The following GRB2 variants were observed in gnomAD, a reference collection of about 807,000 sequenced individuals.
The protein encoded by GRB2 is growth factor receptor bound protein 2, also known as growth factor receptor-bound protein 2.
GRB2 carries 2 observed loss-of-function variants against 27.4 expected under a neutral mutation model. That is an observed-to-expected ratio of 0.07 (90% CI 0.03 to 0.23). The LOEUF is 0.23. Ranked by LOEUF, GRB2 falls within the 10% of genes least tolerant of loss-of-function variation. The pLI, the probability that GRB2 is intolerant of heterozygous loss-of-function variation, is 1.00. For missense variants in GRB2, 102 were observed against 282.4 expected (o/e 0.36, Z 4.58); for synonymous variants, 94 against 99.6 (o/e 0.94, Z 0.33).
At chr17:75,400,550 C>T (rs946938996) in intron 1 of GRB2, among the ~76,000 whole-genome samples, 4 of 151,794 alleles carry the variant, frequency 2.6e-5, no homozygotes, top group Admixed American at 1.3e-4. Flanking sequence ...TCTCATCTCA[C>T]TGTAACCTCC....
intron 3 of GRB2, among the ~76,000 whole-genome samples, chr17:75,330,654 A>G (rs1037079688): frequency 6.6e-6 from 1 of 152,062 alleles, no homozygotes; most frequent in Non-Finnish European, 1.5e-5. Context: ...AGCCTGGGCA[A>G]CAGAGCAGGA....
At chr17:75,365,265 C>T (rs143672149) in intron 2 of GRB2, among the ~76,000 whole-genome samples, 9 of 152,188 alleles carry the variant, frequency 5.9e-5, no homozygotes, top group East Asian at 5.8e-4. Flanking sequence ...GCTCATCTTA[C>T]GCTAGATCTC....
chr17:75,403,095 A>G (rs1327842712), intron 1 of GRB2, among the ~76,000 whole-genome samples: 1 of 143,804 alleles, frequency 7.0e-6, no homozygotes, highest in African/African-American at 2.5e-5. Context: ...AAAAAAGGAA[A>G]AAGAAAATAA....
chr17:75,384,824 G>A lies in GRB2; in HGVS notation c.78+8727C>T, dbSNP rs927680092. 3.3e-5 allele frequency among the ~76,000 whole-genome samples: 5 copies of A among 151,852 alleles called. No individual in the cohort carries two copies. The East Asian group carries it at 9.7e-4, about 29-fold the overall frequency. ...CATTCAGAAAGAGATCTATGTATAT[G>A]ATAAAAAAAGAGGAAAAGACAGCAA... On this transcript the variant is annotated intron_variant, in intron 2 of 5. Transcript: ENST00000316804.
At chr17:75,390,497 G>C (rs898511063) in intron 2 of GRB2, among the ~76,000 whole-genome samples, 4 of 152,246 alleles carry the variant, frequency 2.6e-5, no homozygotes, top group Admixed American at 6.5e-5. Context: ...TGCAGTGGAA[G>C]GGCAATTCCT....
rs759793650 is a variant in GRB2 at position 75,321,793 on chromosome 17, G to A, written c.334C>T (p.Arg112Ter). Residue 112 changes from arginine (R) to a stop codon, truncating the protein, a stop_gained, in exon 5 of 6, where the codon CGA becomes TGA. Coordinates refer to ENST00000316804, the MANE Select transcript of GRB2 (RefSeq NM_002086.5). LOFTEE classifies it high-confidence loss of function. ...AGGAAGTACTTCCCGGCTCCATCTC[G>A]GAGCACCTTGAAGTGCTGCACATCG... Reference protein sequence around the residue: ...GNDVQHFKVLRDGAGKYFLWV... With the variant: ...GNDVQHFKVL 1 of 1,613,972 alleles carries A rather than the reference G, an allele frequency of 6.2e-7. No individual in the cohort carries two copies. The highest frequency in any genetic ancestry group is 8.5e-7 in the Non-Finnish European group (1 of 1,180,002).
chr17:75,322,800 C>G (rs943356892), intron 4 of GRB2, among the ~76,000 whole-genome samples: 18 of 138,800 alleles, frequency 1.3e-4, no homozygotes, highest in African/African-American at 4.1e-4. Flanking sequence ...GCGCTTCTGC[C>G]TGTCCTGTTC....
chr17:75,338,072 G>C (rs1480926052), intron 2 of GRB2, among the ~76,000 whole-genome samples: 1 of 151,452 alleles, frequency 6.6e-6, no homozygotes, highest in East Asian at 1.9e-4. Context: ...TGGGATTACA[G>C]GCACCCGCCA....
intron 2 of GRB2, among the ~76,000 whole-genome samples, chr17:75,380,346 T>TAA (rs5822085): frequency 0.056 from 8,056 of 142,894 alleles, 231 homozygotes; most frequent in South Asian, 0.08. Flanking sequence ...TAGCTTGTAG[T>TAA]AAAAAAAAAA....
At chr17:75,324,532 TTTTGGAGACAGAG>T (rs2078485326) in intron 4 of GRB2, among the ~76,000 whole-genome samples, 1 of 97,892 alleles carries the variant, frequency 1.0e-5, no homozygotes, top group African/African-American at 3.3e-5. Flanking sequence ...TTTTTTTTTT[TTTTGGAGACAGAG>T]TTTTGCTCTT....
Position 75,386,795 on chromosome 17 carries a change from T to A in GRB2, c.78+6756A>T, listed in dbSNP as rs138400998. Among the ~76,000 whole-genome samples, 5 of 152,306 alleles carry A rather than the reference T, an allele frequency of 3.3e-5. No homozygotes were observed. The East Asian group carries it at 9.6e-4, about 29-fold the overall frequency. ...ACCACAGCAAGACCTAAGATCAAAC[T>A]TCACCTCTGTCACTTGCTAGATGTG... On this transcript the variant is annotated intron_variant, in intron 2 of 5. Coordinates refer to ENST00000316804, the MANE Select transcript of GRB2 (RefSeq NM_002086.5).
At chr17:75,354,039 C>CA (rs780123758) in intron 2 of GRB2, among the ~76,000 whole-genome samples, 2,692 of 138,898 alleles carry the variant, frequency 0.019, 24 homozygotes, top group East Asian at 0.038. Context: ...GACTCTGTCT[C>CA]AAAAAAAAAA....
chr17:75,376,220 A>G (rs1285420796), intron 2 of GRB2, among the ~76,000 whole-genome samples: 3 of 142,940 alleles, frequency 2.1e-5, no homozygotes, highest in Non-Finnish European at 4.6e-5. Context: ...GCATGCGCCT[A>G]TATAGTCCCA....
intron 2 of GRB2, chr17:75,372,573 CAG>C (rs1263595866): frequency 1.9e-4 from 29 of 152,286 alleles, no homozygotes; most frequent in Admixed American, 5.2e-4. Context: ...ACAGTGATTC[CAG>C]AAACACTGGT....
At chr17:75,351,515 A>G (rs1369300) in intron 2 of GRB2, among the ~76,000 whole-genome samples, 148,419 of 152,108 alleles carry the variant, frequency 0.98, 72,509 homozygotes, top group East Asian at 1. Flanking sequence ...TTAGCTGGGT[A>G]TAGTGGTGTG....
intron 2 of GRB2, among the ~76,000 whole-genome samples, chr17:75,390,957 TAA>T (rs1415484665): frequency 7.9e-4 from 121 of 152,324 alleles, no homozygotes; most frequent in Non-Finnish European, 2.4e-4. Flanking sequence ...GGCTTACAAC[TAA>T]TACCCTCAAG....
chr17:75,336,938 A>C (rs1418361367), intron 2 of GRB2, among the ~76,000 whole-genome samples: 2 of 152,168 alleles, frequency 1.3e-5, no homozygotes, highest in Non-Finnish European at 2.9e-5. Flanking sequence ...GGATTTCACC[A>C]TGTTGGCTAG....
At chr17:75,377,779 C>T (rs564110207) in intron 2 of GRB2, among the ~76,000 whole-genome samples, 2 of 151,914 alleles carry the variant, frequency 1.3e-5, no homozygotes, top group South Asian at 4.2e-4. Context: ...TGGTGGCACA[C>T]GCCTGTAGTC....
intron 2 of GRB2, among the ~76,000 whole-genome samples, chr17:75,335,562 G>C (rs1208105646): frequency 6.6e-6 from 1 of 152,208 alleles, no homozygotes; most frequent in South Asian, 2.1e-4. Context: ...TTTCTTAACA[G>C]AGGGTATGCC....
Sources: gnomAD v4.1 joint callset for allele counts (sites outside exome capture counted in the v4.1 genomes callset) on GRCh38, gnomAD v4.1.1 for gene constraint, MANE v1.5 for transcripts, NCBI Gene and HGNC (gene_info 2026-07-23, HGNC 2026-07-21) for gene names.